Variants in ADAM18 observed in about 807,000 individuals in gnomAD.
ADAM18 encodes ADAM metallopeptidase domain 18, also known as disintegrin and metalloproteinase domain-containing protein 18.
Under a neutral mutation model 94.4 loss-of-function variants are expected in ADAM18, and 117 were observed. The observed-to-expected ratio is 1.24, with a 90% CI of 1.07 to 1.45. The LOEUF (loss-of-function observed/expected upper bound fraction) is 1.45. Among genes scored for constraint, ADAM18 ranks in the 40% most tolerant of loss-of-function variants. The probability of loss-of-function intolerance (pLI) is 0.00; values close to 1 mark genes in which losing one functional copy is unlikely to be tolerated. For synonymous variants in ADAM18, 327 were observed against 291.6 expected, an observed-to-expected ratio of 1.12 and a Z score of -1.24; for missense variants, 936 against 880.0, an observed-to-expected ratio of 1.06 and a Z score of -0.81.
At chr8:39,706,651 C>T (rs1248009165) in intron 17 of ADAM18, 139 bp from the exon 18 acceptor site, 1 of 442,700 alleles carries the variant, frequency 2.3e-6, no homozygotes, top group Non-Finnish European at 3.9e-6. Context: ...TAACCTATTT[C>T]TCACATTATA....
chr8:39,651,703 A>C (rs985792210), intron 12 of ADAM18, among the ~76,000 whole-genome samples: 1 of 152,148 alleles, frequency 6.6e-6, no homozygotes, highest in African/African-American at 2.4e-5. Context: ...GGAGTCTCTT[A>C]TGCCTACTTC....
At chr8:39,636,968 T>C (rs1406920040) in intron 7 of ADAM18, among the ~76,000 whole-genome samples, 2 of 148,666 alleles carry the variant, frequency 1.3e-5, no homozygotes, top group East Asian at 2.0e-4. Flanking sequence ...TTTTCACAAA[T>C]GACAGGACAA....
intron 15 of ADAM18, among the ~76,000 whole-genome samples, chr8:39,678,211 G>A (rs1304129926): frequency 2.6e-5 from 4 of 152,160 alleles, no homozygotes. Context: ...AATTCAGGAA[G>A]AAGCAGACAT....
At chr8:39,638,365 A>C (rs1820143593) in intron 9 of ADAM18, 100 bp from the exon 10 acceptor site, 1 of 698,308 alleles carries the variant, frequency 1.4e-6, no homozygotes. Context: ...TATATTTGCA[A>C]AGTCATTTTT....
At chr8:39,663,425 CAAAAAA>C (rs374386277) in intron 12 of ADAM18, among the ~76,000 whole-genome samples, 6 of 102,826 alleles carry the variant, frequency 5.8e-5, no homozygotes, top group African/African-American at 2.6e-4. Context: ...CTAGTCTTTA[CAAAAAA>C]AAAAAAAAAA....
chr8:39,609,563 T>A lies in ADAM18; in HGVS notation c.344+2T>A. ...ACTCAGTATATGTTCTGGTCTCAGGTAATAGCACCTTATAAGAAATCTATA... is the reference window on the plus strand; with the variant it reads ...ACTCAGTATATGTTCTGGTCTCAGGAAATAGCACCTTATAAGAAATCTATA... On this transcript the variant is annotated splice_donor_variant, in intron 5 of 19. Transcript: ENST00000265707. LOFTEE classifies it high-confidence loss of function. The A allele has an allele frequency of 6.3e-7, 1 of 1,596,642 alleles. No individual in the cohort carries two copies. Among genetic ancestry groups the A allele is most frequent in the Middle Eastern group, 1.7e-4 (1 of 5,994 alleles).
intron 19 of ADAM18, among the ~76,000 whole-genome samples, chr8:39,725,227 T>C (rs1280725732): frequency 6.6e-6 from 1 of 152,080 alleles, no homozygotes; most frequent in Non-Finnish European, 1.5e-5. Flanking sequence ...TATATACATC[T>C]TGATGAGTTT....
At chr8:39,634,535 T>C (rs1269991142) in intron 7 of ADAM18, among the ~76,000 whole-genome samples, 1 of 152,234 alleles carries the variant, frequency 6.6e-6, no homozygotes, top group Admixed American at 6.5e-5. Flanking sequence ...ATGTGTCTCA[T>C]GGGTGGGTCA....
chr8:39,649,382 A>T (rs910665263), intron 12 of ADAM18, among the ~76,000 whole-genome samples: 2 of 148,992 alleles, frequency 1.3e-5, no homozygotes, highest in Non-Finnish European at 3.0e-5. Flanking sequence ...ACATACATGT[A>T]TATATATATA....
rs1267465671 is a variant in ADAM18 at position 39,584,660 on chromosome 8, G to A, written c.38G>A (p.Arg13Lys). The A allele has an allele frequency of 3.1e-6, 5 of 1,613,262 alleles. No individual in the cohort carries two copies. In the African/African-American group the frequency reaches 6.7e-5, roughly 22 times the overall value. Residue 13 changes from arginine to lysine, a missense_variant, in exon 1 of 20, where the codon AGA becomes AAA. By Grantham distance (26) the Arg-to-Lys change is conservative (BLOSUM62 2). Coordinates refer to ENST00000265707, the MANE Select transcript of ADAM18 (RefSeq NM_014237.3). ...CTCGCCCTCCTCACTGAGCTTGGAA[G>A]ACTGCAAGCCCACGAAGGTAAGTCC... ...LLLALLTELG[R>K]LQAHEGSEGI...
At chr8:39,623,855 C>T (rs1042298745) in intron 6 of ADAM18, among the ~76,000 whole-genome samples, 1 of 152,282 alleles carries the variant, frequency 6.6e-6, no homozygotes, top group Non-Finnish European at 1.5e-5. Flanking sequence ...CTTGGCCTCC[C>T]AAAGTGCTGG....
intron 12 of ADAM18, among the ~76,000 whole-genome samples, chr8:39,662,239 AAG>A (rs1428452590): frequency 6.6e-6 from 1 of 152,092 alleles, no homozygotes; most frequent in East Asian, 1.9e-4. Context: ...TTACTAGTGA[AAG>A]AATATATACA....
At chr8:39,653,390 TATC>T (rs1392939887) in intron 12 of ADAM18, among the ~76,000 whole-genome samples, 4 of 152,158 alleles carry the variant, frequency 2.6e-5, no homozygotes, top group Non-Finnish European at 1.5e-5. Context: ...GGTAAGATGA[TATC>T]ATGTACATTA....
chr8:39,677,552 A>T lies in ADAM18; in HGVS notation c.1631+16A>T, dbSNP rs1418479909. 1 of 1,545,366 alleles carries T rather than the reference A, an allele frequency of 6.5e-7. No individual in the cohort carries two copies. The highest frequency in any genetic ancestry group is 1.4e-5 in the African/African-American group (1 of 72,084). On this transcript the variant is annotated intron_variant, in intron 15 of 19. Coordinates refer to ENST00000265707, the MANE Select transcript of ADAM18 (RefSeq NM_014237.3). ...GTGAACGGAAGTACGTATGTAGAAAATGATTGCTTCTTTGAATCATAAAAA... is the reference window on the plus strand; with the variant it reads ...GTGAACGGAAGTACGTATGTAGAAATTGATTGCTTCTTTGAATCATAAAAA...
intron 6 of ADAM18, among the ~76,000 whole-genome samples, chr8:39,618,461 T>C (rs1181733534): frequency 6.6e-6 from 1 of 152,162 alleles, no homozygotes; most frequent in African/African-American, 2.4e-5. Context: ...GAATTTACAA[T>C]ATAGTGTGTG....
At chr8:39,597,616 T>C (rs1407560015) in intron 2 of ADAM18, among the ~76,000 whole-genome samples, 2 of 152,196 alleles carry the variant, frequency 1.3e-5, no homozygotes, top group African/African-American at 2.4e-5. Context: ...TGTGCTCTTT[T>C]TTCTGTTCCA....
chr8:39,650,426 T>C (rs1335089083), intron 12 of ADAM18, among the ~76,000 whole-genome samples: 2 of 152,120 alleles, frequency 1.3e-5, no homozygotes, highest in African/African-American at 4.8e-5. Context: ...TTACAACTAA[T>C]AAATAAATTC....
intron 18 of ADAM18, 87 bp downstream of exon 18, chr8:39,706,991 G>A: frequency 1.4e-6 from 1 of 731,476 alleles, no homozygotes; most frequent in Non-Finnish European, 2.3e-6. Context: ...TTGAATGGTA[G>A]CTTCATCTAC....
intron 12 of ADAM18, among the ~76,000 whole-genome samples, chr8:39,659,623 A>G (rs985522976): frequency 1.3e-5 from 2 of 152,244 alleles, no homozygotes; most frequent in Admixed American, 1.3e-4. Flanking sequence ...AACAAAATAC[A>G]TGGACCATGC....
Sources: allele counts gnomAD v4.1 joint callset (sites outside exome capture counted in the v4.1 genomes callset), GRCh38; gene constraint gnomAD v4.1.1; transcripts MANE v1.5; gene names NCBI Gene and HGNC (gene_info 2026-07-23, HGNC 2026-07-21).